ACSL5: variants seen among roughly 807,000 people sequenced by gnomAD.
The protein encoded by ACSL5 is long-chain-fatty-acid--CoA ligase 5.
In ACSL5, 50 loss-of-function variants were observed where a neutral mutation model predicts 84.9. The observed-to-expected ratio is 0.59, with a 90% confidence interval of 0.47 to 0.75. The LOEUF is 0.75. ACSL5 is among the 30% of genes least tolerant of loss of function. The probability of loss-of-function intolerance (pLI) is 0.00; values close to 1 mark genes in which losing one functional copy is unlikely to be tolerated. For missense variants in ACSL5, 775 were observed against 830.4 expected (o/e 0.93, Z 0.82); for synonymous variants, 280 against 300.7 (o/e 0.93, Z 0.71).
chr10:112,395,230 C>A, intron 2 of ACSL5, 128 bp downstream of exon 2: 1 of 901,574 alleles, frequency 1.1e-6, no homozygotes. Flanking sequence ...TGTTACCAAT[C>A]AACAGGCAAT....
rs1264832338 is a variant in ACSL5 at position 112,413,326 on chromosome 10, AG to A, written c.1083+22del. The A allele has an allele frequency of 2.5e-6, 4 of 1,613,746 alleles. No homozygotes were observed. The highest frequency in any genetic ancestry group is 2.7e-5 in the African/African-American group (2 of 75,054). On this transcript the variant is annotated intron_variant, in intron 12 of 20. Coordinates refer to ENST00000354655, the MANE Select transcript of ACSL5 (RefSeq NM_203379.2). ...CGATAAGGTACTAACTTTCAGCTGA[AG>A]GGACTGTCTGTGACTTGGGCCTGCA...
At chr10:112,425,201 A>G (rs910516535) in intron 17 of ACSL5, 137 bp from the exon 18 acceptor site, 3 of 727,546 alleles carry the variant, frequency 4.1e-6, no homozygotes, top group Admixed American at 6.6e-5. Flanking sequence ...AAGCCAAGAA[A>G]GAGAAATGAA....
At chr10:112,426,188 A>AT in intron 18 of ACSL5, 70 bp from the exon 19 acceptor site, 1 of 1,227,274 alleles carries the variant, frequency 8.1e-7, no homozygotes, top group Non-Finnish European at 1.2e-6. Context: ...ATTCTGCTTT[A>AT]TTTAACTACT....
Position 112,398,952 on chromosome 10 carries a change from T to C in ACSL5, c.208T>C (p.Cys70Arg), listed in dbSNP as rs1013424759. Residue 70 changes from cysteine to arginine, a missense_variant, in exon 3 of 21, where the codon TGC (cysteine) becomes CGC (arginine). By Grantham distance (180) the Cys-to-Arg change is radical. Transcript: ENST00000354655. ...SQKNNDLTSC[C>R]FSDAKTMYEV... ...GAAGAACAATGACCTAACAAGTTGC[T>C]GCTTCTCAGATGCCAAGACTATGTA... 5 of 1,614,164 alleles carry C rather than the reference T, an allele frequency of 3.1e-6. No homozygotes were observed. Among genetic ancestry groups the C allele is most frequent in the Non-Finnish European group, 3.4e-6 (4 of 1,180,012 alleles).
At position 112,416,470 on chromosome 10, in the gene ACSL5, C is replaced by CAA. The variant is rs35770074; in HGVS notation, c.1084-394_1084-393dup. 8.3e-3 allele frequency among the ~76,000 whole-genome samples: 482 copies of CAA among 57,840 alleles called. 14 individuals are homozygous for CAA. Among genetic ancestry groups the CAA allele is most frequent in the African/African-American group, 0.014 (210 of 14,942 alleles). The allele number at this position is 57,840 out of a possible 152,430, so 37.9% of individuals were successfully genotyped here. A position where few individuals can be genotyped will look rare whatever the true frequency, so the allele number is the denominator to read the frequency against. Reference sequence around the variant, plus strand: ...TGGGCGACAGAGCGAGACTCTGTCTCAAAAAAAAAAAAAAAAAAAAAAAAA... The same window carrying CAA: ...TGGGCGACAGAGCGAGACTCTGTCTCAAAAAAAAAAAAAAAAAAAAAAAAAAA... On this transcript the variant is annotated intron_variant, in intron 12 of 20. Transcript: ENST00000354655.
chr10:112,412,836 G>T (rs940411050), intron 11 of ACSL5, among the ~76,000 whole-genome samples: 2 of 152,198 alleles, frequency 1.3e-5, no homozygotes, highest in Non-Finnish European at 1.5e-5. Context: ...AATGAATTGC[G>T]TCTTACAAAG....
chr10:112,378,452 G>A (rs1279250331), intron 1 of ACSL5, among the ~76,000 whole-genome samples: 4 of 151,834 alleles, frequency 2.6e-5, no homozygotes, highest in Non-Finnish European at 4.4e-5. Flanking sequence ...TCACCATATT[G>A]GCCAGGCTGG....
Position 112,427,226 on chromosome 10 carries a change from C to T in ACSL5, c.1920C>T (p.Ala640=). The change falls in exon 21 of 21, where the codon GCC becomes GCT. Residue 640 remains alanine (A), a synonymous_variant. Coordinates refer to ENST00000354655, the MANE Select transcript of ACSL5 (RefSeq NM_203379.2). ...SGLKTFEQVK[A]IFLHPEPFSI... ...GTGTGTTCATCTTCCAGGTCAAAGC[C>T]ATTTTTCTTCATCCAGAGCCATTTT... The T allele has an allele frequency of 1.2e-6, 2 of 1,611,672 alleles. No homozygotes were observed. Among genetic ancestry groups the T allele is most frequent in the Non-Finnish European group, 1.7e-6 (2 of 1,179,120 alleles).
intron 1 of ACSL5, among the ~76,000 whole-genome samples, chr10:112,387,473 T>C (rs1248487202): frequency 1.3e-5 from 2 of 152,144 alleles, no homozygotes; most frequent in African/African-American, 4.8e-5. Context: ...CTAGAAATAC[T>C]GACTCTGTAG....
intron 9 of ACSL5, 40 bp downstream of exon 9, chr10:112,410,675 C>A: frequency 1.3e-6 from 2 of 1,593,514 alleles, no homozygotes; most frequent in Non-Finnish European, 8.6e-7. Context: ...CCCTGGTCAG[C>A]CAAGAACATG....
chr10:112,413,694 C>G (rs1844241719), intron 12 of ACSL5, among the ~76,000 whole-genome samples: 1 of 152,070 alleles, frequency 6.6e-6, no homozygotes, highest in African/African-American at 2.4e-5. Flanking sequence ...CACTGCACTC[C>G]AGCCTGGGCA....
intron 2 of ACSL5, chr10:112,396,045 C>T (rs1197047175): frequency 6.6e-6 from 1 of 152,290 alleles, no homozygotes; most frequent in Non-Finnish European, 1.5e-5. Context: ...CTCTTCTGAA[C>T]TTCAACCCAC....
chr10:112,383,789 T>C (rs143962411), intron 1 of ACSL5, among the ~76,000 whole-genome samples: 1 of 144,506 alleles, frequency 6.9e-6, no homozygotes, highest in Non-Finnish European at 1.5e-5. Flanking sequence ...GAGGTGGGAT[T>C]ATATGGAGCT....
chr10:112,423,598 A>G (rs1564744985), intron 17 of ACSL5, among the ~76,000 whole-genome samples: 1 of 152,090 alleles, frequency 6.6e-6, no homozygotes, highest in African/African-American at 2.4e-5. Context: ...CTTATCGAAT[A>G]TACAACCAGC....
chr10:112,400,407 T>C (rs1255447231), intron 3 of ACSL5, among the ~76,000 whole-genome samples: 1 of 23,138 alleles, frequency 4.3e-5, no homozygotes, highest in Non-Finnish European at 1.0e-4. Context: ...TTTTCTTTTC[T>C]TTTTTTTTTT....
At chr10:112,408,170 G>A (rs1230198344) in intron 5 of ACSL5, among the ~76,000 whole-genome samples, 1 of 151,852 alleles carries the variant, frequency 6.6e-6, no homozygotes, top group African/African-American at 2.4e-5. Flanking sequence ...ATAGTGATGT[G>A]TGCCTGTAGT....
Position 112,411,948 on chromosome 10 carries a change from C to A in ACSL5, c.917C>A (p.Pro306His). The A allele has an allele frequency of 6.2e-7, 1 of 1,614,040 alleles. No individual in the cohort carries two copies. Among genetic ancestry groups the A allele is most frequent in the Non-Finnish European group, 8.5e-7 (1 of 1,179,848 alleles). ...GATGATGTGGCCATATCCTACCTCC[C>A]TCTGGCTCATATGTTTGAGAGGATT... Reference protein sequence around the residue: ...TPDDVAISYLPLAHMFERIVQ... With the variant: ...TPDDVAISYLHLAHMFERIVQ... Residue 306 changes from proline to histidine, a missense_variant, in exon 11 of 21, where the codon CCT (proline) becomes CAT (histidine). Coordinates refer to ENST00000354655, the MANE Select transcript of ACSL5 (RefSeq NM_203379.2).
In ACSL5 at chr10:112,398,052, T is replaced by A; in HGVS notation, c.157-849T>A. Among the ~76,000 whole-genome samples, 2 of 774 alleles carry A rather than the reference T, an allele frequency of 2.6e-3. 1 individual carries two copies. The highest frequency in any genetic ancestry group is 5.2e-3 in the Non-Finnish European group (2 of 384). 0.5% of individuals were successfully genotyped at this position (774 alleles called of 152,430 possible). A position where few individuals can be genotyped will look rare whatever the true frequency, so the allele number is the denominator to read the frequency against. On this transcript the variant is annotated intron_variant, in intron 2 of 20. Coordinates refer to ENST00000354655, the MANE Select transcript of ACSL5 (RefSeq NM_203379.2). ...ACAGATCCACTTTTCTTTTTTTTTTTTTTTTTTTTTTTTTTTTTTTTTTTT... is the reference window on the plus strand; with the variant it reads ...ACAGATCCACTTTTCTTTTTTTTTTATTTTTTTTTTTTTTTTTTTTTTTTT...
chr10:112,389,167 C>T (rs1236900611), intron 1 of ACSL5, among the ~76,000 whole-genome samples: 1 of 152,094 alleles, frequency 6.6e-6, no homozygotes, highest in Non-Finnish European at 1.5e-5. Flanking sequence ...GAAAAAAATC[C>T]GAAGCTGAAT....
Sources: gnomAD v4.1 joint callset for allele counts (sites outside exome capture counted in the v4.1 genomes callset) on GRCh38, gnomAD v4.1.1 for gene constraint, MANE v1.5 for transcripts, NCBI Gene and HGNC (gene_info 2026-07-23, HGNC 2026-07-21) for gene names.